PLD1: variants seen among roughly 807,000 people sequenced by gnomAD.
The protein encoded by PLD1 is phospholipase D1, also known as choline phosphatase 1.
Under a neutral mutation model 137.1 loss-of-function variants are expected in PLD1, and 112 were observed. That is an observed-to-expected ratio of 0.82 (90% CI 0.70 to 0.96). PLD1 has a LOEUF of 0.96. PLD1 is among the 40% of genes least tolerant of loss of function. The pLI is 0.00. For synonymous variants in PLD1, 431 were observed against 454.7 expected (o/e 0.95, Z 0.66); for missense variants, 1,321 against 1,342.0 (o/e 0.98, Z 0.24).
At chr3:171,708,091 G>A (rs1297529630) in intron 11 of PLD1, among the ~76,000 whole-genome samples, 1 of 152,120 alleles carries the variant, frequency 6.6e-6, no homozygotes, top group Non-Finnish European at 1.5e-5. Flanking sequence ...AGCCAGTGTT[G>A]GCATGTGTAA....
intron 1 of PLD1, among the ~76,000 whole-genome samples, chr3:171,774,117 CAGTT>C (rs10551955): frequency 0.035 from 5,368 of 152,260 alleles, 214 homozygotes; most frequent in African/African-American, 0.097. Flanking sequence ...CAAGATCACA[CAGTT>C]AGAGACAGAG....
chr3:171,642,491 G>C (rs1018471698), intron 23 of PLD1, among the ~76,000 whole-genome samples: 2 of 143,696 alleles, frequency 1.4e-5, no homozygotes, highest in Non-Finnish European at 3.0e-5. Context: ...AGACGTCTGC[G>C]AAAGTGTCTT....
chr3:171,757,131 CACTT>C (rs1412159503), intron 1 of PLD1, among the ~76,000 whole-genome samples: 3 of 152,132 alleles, frequency 2.0e-5, no homozygotes, highest in Admixed American at 6.5e-5. Flanking sequence ...ATTGTCAAAA[CACTT>C]AAAGAAAGCA....
At chr3:171,739,505 C>T (rs528120801) in intron 1 of PLD1, among the ~76,000 whole-genome samples, 4 of 152,150 alleles carry the variant, frequency 2.6e-5, no homozygotes, top group Admixed American at 6.5e-5. Context: ...TTGTGGCCTA[C>T]TATATAGCCA....
At chr3:171,641,258 T>A (rs150665525) in intron 23 of PLD1, among the ~76,000 whole-genome samples, 33 of 152,362 alleles carry the variant, frequency 2.2e-4, no homozygotes, top group African/African-American at 6.5e-4. Flanking sequence ...GCTGTTTTTC[T>A]TGATTAAACA....
At chr3:171,784,968 C>T (rs922432345) in intron 1 of PLD1, among the ~76,000 whole-genome samples, 7 of 152,084 alleles carry the variant, frequency 4.6e-5, no homozygotes, top group Admixed American at 1.3e-4. Flanking sequence ...ATATTTTAGA[C>T]GGAATCATAA....
intron 12 of PLD1, among the ~76,000 whole-genome samples, chr3:171,692,827 G>A (rs1047633030): frequency 2.6e-5 from 4 of 152,106 alleles, no homozygotes; most frequent in East Asian, 3.9e-4. Flanking sequence ...GGCCTGCACT[G>A]TACTTTCTAA....
intron 16 of PLD1, 62 bp downstream of exon 16, chr3:171,686,623 C>G (rs1714583995): frequency 1.2e-6 from 1 of 834,552 alleles, no homozygotes; most frequent in Non-Finnish European, 2.0e-6. Flanking sequence ...TATGCCCATG[C>G]AGCAGACAAC....
chr3:171,702,517 A>C (rs949984223), intron 11 of PLD1, among the ~76,000 whole-genome samples: 1 of 152,036 alleles, frequency 6.6e-6, no homozygotes, highest in Non-Finnish European at 1.5e-5. Flanking sequence ...AAGACAGGTA[A>C]TCACTATAGG....
rs567675239 is a variant in PLD1 at position 171,765,446 on chromosome 3, A to G, written c.-31-27364T>C. On this transcript the variant is annotated intron_variant, in intron 1 of 26. Transcript: ENST00000351298. ...TTATCAGCCTACCGCCTCTTTTTCA[A>G]ACATCATTAGGTAAGTTCTGAATGG... 2.6e-5 allele frequency: 4 copies of G among 152,308 alleles called. No homozygotes were observed. In the South Asian group the frequency reaches 8.3e-4, roughly 32 times the overall value. The allele number at this position is 152,308 out of a possible 1,614,324, so 9.4% of individuals were successfully genotyped here.
intron 1 of PLD1, among the ~76,000 whole-genome samples, chr3:171,763,364 G>T (rs546687315): frequency 6.7e-6 from 1 of 150,158 alleles, no homozygotes; most frequent in Non-Finnish European, 1.5e-5. Context: ...TCAAGGCTGC[G>T]GTGAAGTTTG....
intron 23 of PLD1, among the ~76,000 whole-genome samples, chr3:171,629,509 C>T (rs1027296176): frequency 6.6e-6 from 1 of 152,194 alleles, no homozygotes; most frequent in African/African-American, 2.4e-5. Flanking sequence ...TTGGAAAAAA[C>T]TACTTTAAAG....
chr3:171,620,217 T>G (rs971338177), intron 24 of PLD1, among the ~76,000 whole-genome samples, 169 bp downstream of exon 24: 5 of 152,058 alleles, frequency 3.3e-5, no homozygotes, highest in African/African-American at 1.2e-4. Context: ...TTTCAACAAC[T>G]GGGTTAGAAA....
chr3:171,757,765 T>C (rs1442814768), intron 1 of PLD1, among the ~76,000 whole-genome samples: 3 of 152,256 alleles, frequency 2.0e-5, no homozygotes, highest in African/African-American at 4.8e-5. Flanking sequence ...CCCTTTGATT[T>C]CCATCTTCAG....
At chr3:171,682,484 T>G (rs1372128929) in intron 16 of PLD1, among the ~76,000 whole-genome samples, 1 of 152,236 alleles carries the variant, frequency 6.6e-6, no homozygotes, top group Non-Finnish European at 1.5e-5. Flanking sequence ...TAACTCTCTT[T>G]GCATTCTCAG....
chr3:171,676,667 G>T, intron 18 of PLD1, 48 bp downstream of exon 18: 1 of 1,408,944 alleles, frequency 7.1e-7, no homozygotes, highest in Non-Finnish European at 1.0e-6. Flanking sequence ...CTCTAGTTAG[G>T]CCTGCCTCTC....
intron 1 of PLD1, among the ~76,000 whole-genome samples, chr3:171,754,084 GT>G (rs1479901200): frequency 2.0e-5 from 3 of 152,144 alleles, no homozygotes; most frequent in Non-Finnish European, 2.9e-5. Context: ...TTCTCTCAGT[GT>G]TTCTATGGCA....
intron 11 of PLD1, among the ~76,000 whole-genome samples, chr3:171,705,054 G>C (rs1198066739): frequency 6.6e-6 from 1 of 152,202 alleles, no homozygotes; most frequent in Non-Finnish European, 1.5e-5. Flanking sequence ...CCCCCGACAA[G>C]CTCTGGCTCA....
chr3:171,757,773 C>T (rs892196688), intron 1 of PLD1, among the ~76,000 whole-genome samples: 1 of 152,196 alleles, frequency 6.6e-6, no homozygotes, highest in African/African-American at 2.4e-5. Context: ...TTTCCATCTT[C>T]AGAGATACCT....
Sources: gnomAD v4.1 joint callset for allele counts (sites outside exome capture counted in the v4.1 genomes callset) on GRCh38, gnomAD v4.1.1 for gene constraint, MANE v1.5 for transcripts, NCBI Gene and HGNC (gene_info 2026-07-23, HGNC 2026-07-21) for gene names.